Variants in HOXA13 observed in about 807,000 individuals in gnomAD.
HOXA13 encodes the protein homeobox protein Hox-A13.
A neutral mutation model predicts 25.7 loss-of-function variants in HOXA13; 5 were observed. The observed-to-expected ratio is 0.19, with a 90% confidence interval of 0.10 to 0.41. The LOEUF (loss-of-function observed/expected upper bound fraction) is 0.41. Ranked by LOEUF, HOXA13 falls within the 10% of genes least tolerant of loss-of-function variation. HOXA13 has a pLI of 1.00. For synonymous variants in HOXA13, 284 were observed against 241.1 expected (o/e 1.18, Z -1.65); for missense variants, 557 against 533.5 (o/e 1.04, Z -0.43).
In HOXA13 at chr7:27,198,050, A is replaced by C. The variant is rs1006926235; in HGVS notation, c.*148T>G. The C allele has an allele frequency of 4.5e-6, 4 of 893,264 alleles. No homozygotes were observed. Among genetic ancestry groups the C allele is most frequent in the Admixed American group, 4.3e-5 (2 of 46,496 alleles). 55.3% of individuals were successfully genotyped at this position (893,264 alleles called of 1,614,324 possible). On this transcript the variant is annotated 3_prime_UTR_variant, in exon 2 of 2. Coordinates refer to ENST00000649031, the MANE Select transcript of HOXA13 (RefSeq NM_000522.5). Reference sequence around the variant, plus strand: ...TGTAGATTCCATTAAAGAGAAAGAGATCTCCTTCGGGAGAGGAAAATGCCA... The same window carrying C: ...TGTAGATTCCATTAAAGAGAAAGAGCTCTCCTTCGGGAGAGGAAAATGCCA...
intron 1 of HOXA13, 99 bp downstream of exon 1, chr7:27,199,057 G>A: frequency 8.4e-7 from 1 of 1,196,838 alleles, no homozygotes; most frequent in Non-Finnish European, 1.2e-6. Flanking sequence ...GGGCAGACCA[G>A]GAAGAGAACA....
Position 27,199,079 on chromosome 7 carries a change from G to A in HOXA13, c.922+77C>T, listed in dbSNP as rs1437983019. On this transcript the variant is annotated intron_variant, in intron 1 of 1. Transcript: ENST00000649031. ...CCAGGAAGAGAACAGAAACGCACCC[G>A]GGATCGCCCGGGTGCGAGCGGAGAA... 5.6e-6 allele frequency: 8 copies of A among 1,435,058 alleles called. No homozygotes were observed. The African/African-American group carries it at 5.7e-5, about 10-fold the overall frequency. 88.9% of individuals were successfully genotyped at this position (1,435,058 alleles called of 1,614,324 possible).
Position 27,196,292 on chromosome 7 carries a change from T to A in HOXA13, c.*1906A>T, listed in dbSNP as rs921752667. The A allele has an allele frequency of 6.6e-6, 1 of 152,160 alleles. No individual in the cohort carries two copies. The highest frequency in any genetic ancestry group is 1.5e-5 in the Non-Finnish European group (1 of 68,014). The allele number at this position is 152,160 out of a possible 1,614,324, so 9.4% of individuals were successfully genotyped here. On this transcript the variant is annotated 3_prime_UTR_variant, in exon 2 of 2. Transcript: ENST00000649031. ...TTTGCTCCAGCTGGAGCCAAATAAT[T>A]GAGTACTGAATCTCTAAAGTCAAGG...
In HOXA13 at chr7:27,194,864, G is replaced by A. The variant is rs545837882; in HGVS notation, c.*3334C>T. 1 of 152,242 alleles carries A rather than the reference G, an allele frequency of 6.6e-6. No individual in the cohort carries two copies. The allele number at this position is 152,242 out of a possible 1,614,324, so 9.4% of individuals were successfully genotyped here. On this transcript the variant is annotated 3_prime_UTR_variant, in exon 2 of 2. Transcript: ENST00000649031. ...GAGCTGCTGTTGGCCTCCTTCCTAG[G>A]CTCGAGGCTCAGAATATTTCTTACA...
At position 27,196,718 on chromosome 7, in the gene HOXA13, A is replaced by T. The variant is rs1332286128; in HGVS notation, c.*1480T>A. On this transcript the variant is annotated 3_prime_UTR_variant, in exon 2 of 2. Transcript: ENST00000649031. ...CTTATCATTTTTTAGGATTTTAGTT[A>T]TGAGGGATTTCTCCCTTTTCTTAAA... The T allele has an allele frequency of 6.4e-6, 1 of 156,494 alleles. No individual in the cohort carries two copies. The highest frequency in any genetic ancestry group is 1.7e-4 in the East Asian group (1 of 5,922). The allele number at this position is 156,494 out of a possible 1,614,324, so 9.7% of individuals were successfully genotyped here. A position where few individuals can be genotyped will look rare whatever the true frequency, so the allele number is the denominator to read the frequency against.
At position 27,200,055 on chromosome 7, in the gene HOXA13, T is replaced by C; in HGVS notation, c.23A>G (p.His8Arg). 6.8e-7 allele frequency: 1 copy of C among 1,470,656 alleles called. No individual in the cohort carries two copies. The highest frequency in any genetic ancestry group is 9.1e-7 in the Non-Finnish European group (1 of 1,095,098). The allele number at this position is 1,470,656 out of a possible 1,614,324, so 91.1% of individuals were successfully genotyped here. A position where few individuals can be genotyped will look rare whatever the true frequency, so the allele number is the denominator to read the frequency against. Residue 8 changes from histidine (H) to arginine (R), a missense_variant, in exon 1 of 2, where the codon CAC becomes CGC. By Grantham distance (29) the His-to-Arg change is conservative. Coordinates refer to ENST00000649031, the MANE Select transcript of HOXA13 (RefSeq NM_000522.5). Reference protein sequence around the residue: MTASVLLHPRWIEPTVMF... With the variant: MTASVLLRPRWIEPTVMF... ...GACGGTGGGCTCGATCCAGCGGGGG[T>C]GGAGGAGCACGGAGGCTGTCATAGC...
Position 27,199,220 on chromosome 7 carries a change from G to C in HOXA13, c.858C>G (p.Asn286Lys). 6.2e-7 allele frequency: 1 copy of C among 1,613,506 alleles called. No homozygotes were observed. Reference sequence around the variant, plus strand: ...GCTCTTTGGGGCAGTACATTTGGCCGTTCCAGCCGTTGGGCAGCGCCCAGG... The same window carrying C: ...GCTCTTTGGGGCAGTACATTTGGCCCTTCCAGCCGTTGGGCAGCGCCCAGG... ...YQPWALPNGWNGQMYCPKEQA... is the reference protein window; with the variant it reads ...YQPWALPNGWKGQMYCPKEQA... Residue 286 changes from asparagine (N) to lysine (K), a missense_variant, in exon 1 of 2, where the codon AAC becomes AAG. Coordinates refer to ENST00000649031, the MANE Select transcript of HOXA13 (RefSeq NM_000522.5).
Position 27,200,069 on chromosome 7 carries a change from G to A in HOXA13, c.9C>T (p.Ala3=). ...TCCAGCGGGGGTGGAGGAGCACGGA[G>A]GCTGTCATAGCCCGAGCCGCATGGA... is the stretch of plus-strand genomic sequence containing the variant. MT[A]SVLLHPRWIE... is the part of the protein sequence containing the mutation. Residue 3 remains alanine, a synonymous_variant, in exon 1 of 2, where the codon GCC becomes GCT. Coordinates refer to ENST00000649031, the MANE Select transcript of HOXA13 (RefSeq NM_000522.5). 1.4e-6 allele frequency: 2 copies of A among 1,471,896 alleles called. No individual in the cohort carries two copies. The highest frequency in any genetic ancestry group is 1.2e-5 in the South Asian group (1 of 82,136). The allele number at this position is 1,471,896 out of a possible 1,614,324, so 91.2% of individuals were successfully genotyped here. A position where few individuals can be genotyped will look rare whatever the true frequency, so the allele number is the denominator to read the frequency against.
rs749435539 is a variant in HOXA13 at position 27,197,531 on chromosome 7, G to A, written c.*667C>T. ...AAATTATTCTTAAAAAGACATTACC[G>A]ACCCGGGTTCTCTTGTAGCCTGAAA... is the stretch of plus-strand genomic sequence containing the variant. On this transcript the variant is annotated 3_prime_UTR_variant, in exon 2 of 2. Coordinates refer to ENST00000649031, the MANE Select transcript of HOXA13 (RefSeq NM_000522.5). The A allele has an allele frequency of 2.4e-4, 52 of 214,894 alleles. No individual in the cohort carries two copies. Among genetic ancestry groups the A allele is most frequent in the Non-Finnish European group, 3.8e-4 (41 of 106,770 alleles). 13.3% of individuals were successfully genotyped at this position (214,894 alleles called of 1,614,324 possible).
intron 1 of HOXA13, chr7:27,198,796 C>T: frequency 4.1e-6 from 2 of 482,214 alleles, no homozygotes; most frequent in South Asian, 4.8e-5. Context: ...ATACTCGAAG[C>T]TTCTACACTG....
Sources: allele counts gnomAD v4.1 joint callset, GRCh38; gene constraint gnomAD v4.1.1; transcripts MANE v1.5; gene names NCBI Gene and HGNC (gene_info 2026-07-23, HGNC 2026-07-21).